The following ZNF266 variants were observed in gnomAD, a reference collection of about 807,000 sequenced individuals.
ZNF266 encodes zinc finger protein 266.
A neutral mutation model predicts 16.4 loss-of-function variants in ZNF266; 16 were observed. The ratio of observed to expected loss-of-function variants is 0.98; its 90% confidence interval spans 0.66 to 1.48. The LOEUF is 1.48. Ranked by LOEUF, ZNF266 falls within the 40% of genes most tolerant of loss-of-function variation. The probability of loss-of-function intolerance (pLI) is 0.00; values close to 1 mark genes in which losing one functional copy is unlikely to be tolerated. For missense variants in ZNF266, 738 were observed against 689.1 expected, an observed-to-expected ratio of 1.07 and a Z score of -0.79; for synonymous variants, 262 against 237.9, an observed-to-expected ratio of 1.10 and a Z score of -0.93.
chr19:9,418,140 G>C (rs2069341383), intron 8 of ZNF266, among the ~76,000 whole-genome samples: 1 of 152,194 alleles, frequency 6.6e-6, no homozygotes, highest in African/African-American at 2.4e-5. Context: ...ATCCAAATAG[G>C]AAGTTAAGTG....
At position 9,413,634 on chromosome 19, in the gene ZNF266, T is replaced by C. The variant is rs745797601; in HGVS notation, c.1492A>G (p.Thr498Ala). The change falls in exon 11 of 11, where the codon ACT becomes GCT. Residue 498 changes from threonine to alanine, a missense_variant. Transcript: ENST00000592904. The part of the protein sequence containing the change: ...SNLSGHLRIH[T>A]GEKPFECLEC... Reference sequence around the variant, plus strand: ...AGGCACTCAAAGGGCTTCTCTCCAGTGTGAATTCTCAAATGTCCACTAAGA... The same window carrying C: ...AGGCACTCAAAGGGCTTCTCTCCAGCGTGAATTCTCAAATGTCCACTAAGA... 1 of 1,614,170 alleles carries C rather than the reference T, an allele frequency of 6.2e-7. No individual in the cohort carries two copies. The highest frequency in any genetic ancestry group is 1.1e-5 in the South Asian group (1 of 91,082).
intron 5 of ZNF266, among the ~76,000 whole-genome samples, chr19:9,431,706 CA>C (rs2071622652): frequency 6.6e-6 from 1 of 152,106 alleles, no homozygotes; most frequent in Non-Finnish European, 1.5e-5. Flanking sequence ...AACACTGCTT[CA>C]ATCTTCCCTA....
chr19:9,415,689 C>T lies in ZNF266; in HGVS notation c.370G>A (p.Val124Ile). 6.2e-7 allele frequency: 1 copy of T among 1,613,412 alleles called. No individual in the cohort carries two copies. Among genetic ancestry groups the T allele is most frequent in the Non-Finnish European group, 8.5e-7 (1 of 1,179,486 alleles). Residue 124 changes from valine (V) to isoleucine (I), a missense_variant, in exon 10 of 11, where the codon GTT (valine) becomes ATT (isoleucine). Val to Ile is a conservative substitution (Grantham distance 29). Transcript: ENST00000592904. Reference sequence around the variant, plus strand: ...CCACTGGAGGTTGGCTCCCCCAAAACATCCTGCTGAAGGGCTAACTCTTTG... The same window carrying T: ...CCACTGGAGGTTGGCTCCCCCAAAATATCCTGCTGAAGGGCTAACTCTTTG... Reference protein sequence around the residue: ...KTKELALQQDVLGEPTSSGIQ... With the variant: ...KTKELALQQDILGEPTSSGIQ...
chr19:9,413,413 G>A lies in ZNF266; in HGVS notation c.1713C>T (p.Ser571=), dbSNP rs1191273470. Reference sequence around the variant, plus strand: ...TTCGTTCATGTAACTGAAACGAATTGGAGTAACTGAAGGATTTCCCACACT... The same window carrying A: ...TTCGTTCATGTAACTGAAACGAATTAGAGTAACTGAAGGATTTCCCACACT... The part of the protein sequence containing the change: ...CKQCGKSFSY[S]NSFQLHERTH... The change falls in exon 11 of 11, where the codon TCC becomes TCT. Residue 571 remains serine, a synonymous_variant. Transcript: ENST00000592904. 8.1e-6 allele frequency: 13 copies of A among 1,613,810 alleles called. No individual in the cohort carries two copies. In the African/African-American group the frequency reaches 1.7e-4, roughly 22 times the overall value.
chr19:9,417,998 A>G, intron 8 of ZNF266, 90 bp from the exon 9 acceptor site: 1 of 1,304,890 alleles, frequency 7.7e-7, no homozygotes, highest in Non-Finnish European at 1.1e-6. Flanking sequence ...TTCCAATGGA[A>G]GCAGTGAAAT....
Position 9,421,416 on chromosome 19 carries a change from G to A in ZNF266, c.-129-1198C>T, listed in dbSNP as rs565228824. Among the ~76,000 whole-genome samples, 22 of 152,318 alleles carry A rather than the reference G, an allele frequency of 1.4e-4. 1 individual carries two copies. The South Asian group carries it at 4.3e-3, about 30-fold the overall frequency. Reference sequence around the variant, plus strand: ...ATTTTAAACTTGAAATGTAATTAATGTACAATTAAAAGTACAGATCTTAGG... The same window carrying A: ...ATTTTAAACTTGAAATGTAATTAATATACAATTAAAAGTACAGATCTTAGG... On this transcript the variant is annotated intron_variant, in intron 5 of 10. Coordinates refer to ENST00000592904, the MANE Select transcript of ZNF266 (RefSeq NM_001370374.1).
chr19:9,418,709 A>C, intron 7 of ZNF266, 78 bp from the exon 8 acceptor site: 1 of 725,762 alleles, frequency 1.4e-6, no homozygotes, highest in African/African-American at 1.7e-5. Context: ...ATACCTACAG[A>C]GTCTGAGGGC....
intron 10 of ZNF266, 58 bp from the exon 11 acceptor site, chr19:9,414,778 C>A (rs903598584): frequency 3.0e-5 from 44 of 1,486,444 alleles, no homozygotes; most frequent in Middle Eastern, 3.6e-4. Flanking sequence ...TAACAGATTC[C>A]ACTCATCTGA....
rs2068523092 is a variant in ZNF266 at position 9,413,523 on chromosome 19, C to T, written c.1603G>A (p.Glu535Lys). 7 of 1,613,162 alleles carry T rather than the reference C, an allele frequency of 4.3e-6. No homozygotes were observed. The highest frequency in any genetic ancestry group is 5.1e-6 in the Non-Finnish European group (6 of 1,179,354). Residue 535 changes from glutamate to lysine, a missense_variant, in exon 11 of 11, where the codon GAA becomes AAA. Physicochemically the swap from Glu to Lys is moderately conservative, Grantham distance 56 (BLOSUM62 1). Transcript: ENST00000592904. ...HSAKKPFTCM[E>K]CGKAFKFPTC... ...GGAAACTTAAAAGCTTTGCCACATT[C>T]CATACACGTGAATGGTTTTTTGGCG...
At position 9,435,522 on chromosome 19, in the gene ZNF266, A is replaced by C. The variant is rs2123617644; in HGVS notation, c.-796T>G. ...CAAAGCTGTATTAAGCCCAAACGCCACCAGGAAGAAAACGGGTTTGGCGGC... is the reference window on the plus strand; with the variant it reads ...CAAAGCTGTATTAAGCCCAAACGCCCCCAGGAAGAAAACGGGTTTGGCGGC... On this transcript the variant is annotated 5_prime_UTR_variant, in exon 1 of 11. Coordinates refer to ENST00000592904, the MANE Select transcript of ZNF266 (RefSeq NM_001370374.1). The C allele has an allele frequency of 6.6e-6, 1 of 152,352 alleles. No homozygotes were observed. Among genetic ancestry groups the C allele is most frequent in the African/African-American group, 2.4e-5 (1 of 41,584 alleles). The allele number at this position is 152,352 out of a possible 1,614,324, so 9.4% of individuals were successfully genotyped here. A position where few individuals can be genotyped will look rare whatever the true frequency, so the allele number is the denominator to read the frequency against.
At chr19:9,418,825 C>T in intron 7 of ZNF266, 194 bp from the exon 8 acceptor site, 1 of 456,120 alleles carries the variant, frequency 2.2e-6, no homozygotes, top group Non-Finnish European at 4.0e-6. Context: ...TTGTATGTAA[C>T]ACAACCAGAC....
In ZNF266 at chr19:9,419,297, G is replaced by T. The variant is rs2069492310; in HGVS notation, c.28C>A (p.Leu10Ile). The T allele has an allele frequency of 1.3e-5, 2 of 153,624 alleles. No individual in the cohort carries two copies. The highest frequency in any genetic ancestry group is 4.8e-5 in the African/African-American group (2 of 41,434). 9.5% of individuals were successfully genotyped at this position (153,624 alleles called of 1,614,324 possible). MAATDLSYG[L>I]YRDPVCLQEK... ...TGAAGGCAGACTGGGTCCCTGTAAA[G>T]ACCTCATGGAAAAGAAAGAAGGCAT... Residue 10 changes from leucine to isoleucine, a missense_variant and splice_region_variant, in exon 7 of 11, where the codon CTT becomes ATT. Coordinates refer to ENST00000592904, the MANE Select transcript of ZNF266 (RefSeq NM_001370374.1).
chr19:9,421,884 C>G (rs1314819781), intron 5 of ZNF266, among the ~76,000 whole-genome samples: 4 of 151,704 alleles, frequency 2.6e-5, no homozygotes, highest in Non-Finnish European at 5.9e-5. Flanking sequence ...CGGAGGCTCG[C>G]TCTGTCACCC....
chr19:9,412,995 C>T lies in ZNF266; in HGVS notation c.*280G>A, dbSNP rs1229679822. ...TCTCCAATGTGAGTTCACATACACACATTAAGGTTTGTGGGATTCAGAAAG... is the reference window on the plus strand; with the variant it reads ...TCTCCAATGTGAGTTCACATACACATATTAAGGTTTGTGGGATTCAGAAAG... On this transcript the variant is annotated 3_prime_UTR_variant, in exon 11 of 11. Coordinates refer to ENST00000592904, the MANE Select transcript of ZNF266 (RefSeq NM_001370374.1). The T allele has an allele frequency of 1.1e-5, 5 of 448,380 alleles. No individual in the cohort carries two copies. The South Asian group carries it at 1.3e-4, about 12-fold the overall frequency. The allele number at this position is 448,380 out of a possible 1,614,324, so 27.8% of individuals were successfully genotyped here.
In ZNF266 at chr19:9,417,857, G is replaced by C. The variant is rs1213638006; in HGVS notation, c.287C>G (p.Ser96Cys). Residue 96 changes from serine to cysteine, a missense_variant, in exon 9 of 11, where the codon TCT becomes TGT. Physicochemically the swap from Ser to Cys is moderately radical, Grantham distance 112 (BLOSUM62 -1). Coordinates refer to ENST00000592904, the MANE Select transcript of ZNF266 (RefSeq NM_001370374.1). ...GAAATCACCTCTCTGCACTGTCCTA[G>C]ACTCTTCTTGTTCCAGCCAAGAGAT... ...SLISWLEQEE[S>C]RTVQRGDFQA... 2.5e-6 allele frequency: 4 copies of C among 1,613,940 alleles called. No individual in the cohort carries two copies. Among genetic ancestry groups the C allele is most frequent in the Non-Finnish European group, 3.4e-6 (4 of 1,179,998 alleles).
chr19:9,427,416 G>T (rs554494539), intron 5 of ZNF266, among the ~76,000 whole-genome samples: 1 of 152,010 alleles, frequency 6.6e-6, no homozygotes, highest in Non-Finnish European at 1.5e-5. Context: ...GCCACCCAGG[G>T]TTCAAGGGAT....
At chr19:9,426,989 C>T (rs532729465) in intron 5 of ZNF266, among the ~76,000 whole-genome samples, 1 of 152,136 alleles carries the variant, frequency 6.6e-6, no homozygotes, top group African/African-American at 2.4e-5. Flanking sequence ...TACAAATTGG[C>T]TTGATAAAAT....
chr19:9,415,541 G>C, intron 10 of ZNF266, 113 bp downstream of exon 10: 1 of 853,446 alleles, frequency 1.2e-6, no homozygotes, highest in Non-Finnish European at 1.8e-6. Flanking sequence ...GCCTCCCAAA[G>C]TGCTGGGATT....
chr19:9,432,525 T>C (rs2071766913), intron 5 of ZNF266, among the ~76,000 whole-genome samples: 1 of 152,254 alleles, frequency 6.6e-6, no homozygotes, highest in East Asian at 1.9e-4. Flanking sequence ...CAGCAGGTTC[T>C]TGGAAACTGA....
Sources: allele counts gnomAD v4.1 joint callset (sites outside exome capture counted in the v4.1 genomes callset), GRCh38; gene constraint gnomAD v4.1.1; transcripts MANE v1.5; gene names NCBI Gene and HGNC (gene_info 2026-07-23, HGNC 2026-07-21).